RHEX: variants seen among roughly 807,000 people sequenced by gnomAD.
The protein encoded by RHEX is regulator of hemoglobinization and erythroid cell expansion.
RHEX carries 18 observed loss-of-function variants against 20.1 expected under a neutral mutation model. The ratio of observed to expected loss-of-function variants is 0.90; its 90% confidence interval spans 0.62 to 1.33. The LOEUF (loss-of-function observed/expected upper bound fraction) is 1.33, where lower values mean the gene tolerates loss of function less well. Ranked by LOEUF, RHEX falls within the 40% of genes most tolerant of loss-of-function variation. RHEX has a pLI of 0.00. For missense variants in RHEX, 192 were observed against 214.3 expected, an observed-to-expected ratio of 0.90 and a Z score of 0.65; for synonymous variants, 87 against 77.1, an observed-to-expected ratio of 1.13 and a Z score of -0.67.
chr1:206,097,602 A>G, intron 1 of RHEX, 131 bp from the exon 2 acceptor site: 1 of 608,536 alleles, frequency 1.6e-6, no homozygotes, highest in Admixed American at 2.8e-5. Flanking sequence ...CATGTAGGAA[A>G]GTGGGGACTG....
intron 1 of RHEX, among the ~76,000 whole-genome samples, chr1:206,064,148 C>T (rs1479535121): frequency 6.8e-6 from 1 of 147,732 alleles, no homozygotes; most frequent in Non-Finnish European, 1.5e-5. Context: ...AGGAGACCCT[C>T]CGCCCGGCAG....
intron 1 of RHEX, among the ~76,000 whole-genome samples, chr1:206,081,981 G>T (rs1221669692): frequency 6.6e-6 from 1 of 152,180 alleles, no homozygotes; most frequent in Non-Finnish European, 1.5e-5. Context: ...CACTGGCAGG[G>T]CAAACCTAGA....
intron 1 of RHEX, among the ~76,000 whole-genome samples, chr1:206,071,641 G>A (rs1221553305): frequency 1.3e-5 from 2 of 151,168 alleles, no homozygotes; most frequent in African/African-American, 4.9e-5. Flanking sequence ...AAGGCCAGGA[G>A]TTCAAGACCA....
intron 1 of RHEX, chr1:206,053,469 CAA>C (rs2102299548): frequency 6.5e-6 from 1 of 152,844 alleles, no homozygotes; most frequent in East Asian, 1.9e-4. Context: ...GTGTAAACTG[CAA>C]GAGTGTGTAT....
In RHEX at chr1:206,067,781, C is replaced by T. The variant is rs74625416; in HGVS notation, c.-97+14516C>T. ...TGCAGACAGCCCCTTCTCTGCCGTGCTGCCCATTGCCTCCTTGCAACATAT... is the reference window on the plus strand; with the variant it reads ...TGCAGACAGCCCCTTCTCTGCCGTGTTGCCCATTGCCTCCTTGCAACATAT... On this transcript the variant is annotated intron_variant, in intron 1 of 5. Coordinates refer to ENST00000331555, the MANE Select transcript of RHEX (RefSeq NM_001007544.4). The surrounding 1 kb of genome is among the most constrained non-coding windows in gnomAD (Gnocchi z 4.6). 2.6e-3 allele frequency among the ~76,000 whole-genome samples: 396 copies of T among 152,328 alleles called. No individual in the cohort carries two copies. The highest frequency in any genetic ancestry group is 8.8e-3 in the African/African-American group (368 of 41,582).
intron 1 of RHEX, among the ~76,000 whole-genome samples, chr1:206,071,856 A>G (rs1662534746): frequency 6.7e-6 from 1 of 148,348 alleles, no homozygotes; most frequent in Non-Finnish European, 1.5e-5. Flanking sequence ...CTGTCCAACA[A>G]CTCAAAAAAA....
At chr1:206,054,564 G>T in intron 1 of RHEX, among the ~76,000 whole-genome samples, 1 of 152,316 alleles carries the variant, frequency 6.6e-6, no homozygotes, top group Middle Eastern at 3.4e-3. Flanking sequence ...AAGTTAAAAA[G>T]GTATCATCCA....
chr1:206,068,156 C>T (rs1329229449), intron 1 of RHEX, among the ~76,000 whole-genome samples: 2 of 152,068 alleles, frequency 1.3e-5, no homozygotes, highest in Non-Finnish European at 2.9e-5. Flanking sequence ...ATTACTAGGC[C>T]CACTTTCAAT....
At chr1:206,057,641 G>A (rs1662218785) in intron 1 of RHEX, among the ~76,000 whole-genome samples, 1 of 152,260 alleles carries the variant, frequency 6.6e-6, no homozygotes, top group African/African-American at 2.4e-5. Flanking sequence ...CAGTGGACAG[G>A]TAGCTGTGTA....
rs1168312134 is a variant in RHEX at position 206,067,999 on chromosome 1, A to G, written c.-97+14734A>G. On this transcript the variant is annotated intron_variant, in intron 1 of 5. Transcript: ENST00000331555. This position sits in a 1 kb window ranked among gnomAD's most constrained non-coding sequence, Gnocchi z 4.6. ...GCTCCATTCCACTTACGGGGACTGG[A>G]GTGGGGAGGAGAAAGTAGAAAGGAA... 1.3e-5 allele frequency among the ~76,000 whole-genome samples: 2 copies of G among 152,120 alleles called. No homozygotes were observed. Among genetic ancestry groups the G allele is most frequent in the Non-Finnish European group, 2.9e-5 (2 of 68,024 alleles).
chr1:206,055,596 G>A lies in RHEX; in HGVS notation c.-97+2331G>A, dbSNP rs1413158499. ...GGAACACCAGATCAATTTAAAGTCCGAAATCAAATAGCTACAGGATTTAAG... is the reference window on the plus strand; with the variant it reads ...GGAACACCAGATCAATTTAAAGTCCAAAATCAAATAGCTACAGGATTTAAG... On this transcript the variant is annotated intron_variant, in intron 1 of 5. Transcript: ENST00000331555. Among the ~76,000 whole-genome samples, 5 of 152,260 alleles carry A rather than the reference G, an allele frequency of 3.3e-5. No homozygotes were observed. In the East Asian group the frequency reaches 5.8e-4, roughly 18 times the overall value.
intron 4 of RHEX, 125 bp from the exon 5 acceptor site, chr1:206,101,011 T>G: frequency 1.8e-5 from 12 of 672,962 alleles, no homozygotes; most frequent in Non-Finnish European, 2.0e-5. Context: ...TACCCCCCCT[T>G]TTTGTTGCTG....
At chr1:206,065,134 T>C (rs1257530174) in intron 1 of RHEX, among the ~76,000 whole-genome samples, 2 of 152,154 alleles carry the variant, frequency 1.3e-5, no homozygotes, top group African/African-American at 4.8e-5. Flanking sequence ...GGGACACAAA[T>C]GCTGCGGAAG....
At chr1:206,094,586 T>C (rs1663029265) in intron 1 of RHEX, among the ~76,000 whole-genome samples, 1 of 152,208 alleles carries the variant, frequency 6.6e-6, no homozygotes, top group Non-Finnish European at 1.5e-5. Flanking sequence ...ACTTTATAGA[T>C]ACTGAAATTA....
rs28639473 is a variant in RHEX at position 206,101,916 on chromosome 1, G to A, written c.483G>A (p.Leu161=). Reference sequence around the variant, plus strand: ...TCTGGTATTTTGTCAACCCTGCTCTGTCTGAGCCAGCGGAATATGATCAAG... The same window carrying A: ...TCTGGTATTTTGTCAACCCTGCTCTATCTGAGCCAGCGGAATATGATCAAG... ...PSFWYFVNPA[L]SEPAEYDQVA... The change falls in exon 6 of 6, where the codon CTG becomes CTA. Residue 161 remains leucine, a synonymous_variant. Coordinates refer to ENST00000331555, the MANE Select transcript of RHEX (RefSeq NM_001007544.4). 142,959 of 1,612,210 alleles carry A rather than the reference G, an allele frequency of 0.089. 7,296 individuals carry two copies. The highest frequency in any genetic ancestry group is 0.19 in the South Asian group (17,150 of 91,010).
At chr1:206,054,142 TG>T (rs1416906274) in intron 1 of RHEX, among the ~76,000 whole-genome samples, 1 of 136,552 alleles carries the variant, frequency 7.3e-6, no homozygotes, top group East Asian at 2.0e-4. Context: ...AAAAAAAAAG[TG>T]GGGGGAGACA....
At chr1:206,093,127 T>C (rs1571871304) in intron 1 of RHEX, among the ~76,000 whole-genome samples, 2 of 152,202 alleles carry the variant, frequency 1.3e-5, no homozygotes. Flanking sequence ...TTCTTTTTGT[T>C]CTCTTTCCAT....
At chr1:206,096,256 T>G (rs1553287643) in intron 1 of RHEX, among the ~76,000 whole-genome samples, 1 of 152,228 alleles carries the variant, frequency 6.6e-6, no homozygotes, top group South Asian at 2.1e-4. Flanking sequence ...ATAAAAGCTT[T>G]GAGTGTAGTA....
chr1:206,064,269 T>G (rs1571854478), intron 1 of RHEX, among the ~76,000 whole-genome samples: 8 of 113,484 alleles, frequency 7.0e-5, no homozygotes, highest in South Asian at 3.0e-4. Context: ...GTGGGGGGGG[T>G]CAGCCCCCCG....
Sources: allele counts gnomAD v4.1 joint callset (sites outside exome capture counted in the v4.1 genomes callset), GRCh38; gene constraint gnomAD v4.1.1; non-coding constraint Gnocchi (gnomAD v3.1); transcripts MANE v1.5; gene names NCBI Gene and HGNC (gene_info 2026-07-23, HGNC 2026-07-21).